The following CADPS2 variants were observed in gnomAD, a reference collection of about 807,000 sequenced individuals.
CADPS2 encodes the protein calcium-dependent secretion activator 2.
In CADPS2, 93 loss-of-function variants were observed where a neutral mutation model predicts 172.5. The observed-to-expected ratio is 0.54, with a 90% CI of 0.46 to 0.64. The LOEUF is 0.64. Among genes scored for constraint, CADPS2 ranks in the 30% least tolerant of loss-of-function variants. CADPS2 has a pLI of 0.00. For missense variants in CADPS2, 1,420 were observed against 1,565.9 expected (o/e 0.91, Z 1.57); for synonymous variants, 546 against 555.2 (o/e 0.98, Z 0.23).
chr7:122,685,770 G>C (rs2083543065), intron 2 of CADPS2, among the ~76,000 whole-genome samples: 1 of 152,126 alleles, frequency 6.6e-6, no homozygotes, highest in Non-Finnish European at 1.5e-5. Flanking sequence ...GTATCTCCAG[G>C]GCAATCAATA....
intron 4 of CADPS2, 60 bp downstream of exon 4, chr7:122,629,188 C>A: frequency 7.4e-7 from 1 of 1,346,908 alleles, no homozygotes; most frequent in Non-Finnish European, 1.0e-6. Flanking sequence ...ACTTTTTCAG[C>A]TCACAGAAAT....
chr7:122,613,223 A>G (rs2074495788), intron 6 of CADPS2, among the ~76,000 whole-genome samples: 1 of 152,176 alleles, frequency 6.6e-6, no homozygotes, highest in Non-Finnish European at 1.5e-5. Context: ...ATACAAATCA[A>G]GAAAGTGAAA....
At chr7:122,464,967 C>T (rs543799714) in intron 14 of CADPS2, among the ~76,000 whole-genome samples, 6 of 152,156 alleles carry the variant, frequency 3.9e-5, no homozygotes, top group Admixed American at 1.3e-4. Context: ...AACGGAAATA[C>T]GAAAACTCTA....
intron 24 of CADPS2, among the ~76,000 whole-genome samples, chr7:122,383,177 T>C (rs2043220989): frequency 6.6e-6 from 1 of 152,088 alleles, no homozygotes; most frequent in Non-Finnish European, 1.5e-5. Context: ...TCATATCCTT[T>C]GCAGCCACAT....
rs959570607 is a variant in CADPS2, at chr7:122,319,313, G to T, written c.*852C>A. On this transcript the variant is annotated 3_prime_UTR_variant, in exon 30 of 30. Coordinates refer to ENST00000449022, the MANE Select transcript of CADPS2 (RefSeq NM_017954.11). ...AAAAAACTCAAGAAACAAAAACACAGAGTCAGATAGTTGGGATGTTTGAAA... is the reference window on the plus strand; with the variant it reads ...AAAAAACTCAAGAAACAAAAACACATAGTCAGATAGTTGGGATGTTTGAAA... 2 of 152,088 alleles carry T rather than the reference G, an allele frequency of 1.3e-5. No individual in the cohort carries two copies. The highest frequency in any genetic ancestry group is 6.6e-5 in the Admixed American group (1 of 15,266). 9.4% of individuals were successfully genotyped at this position (152,088 alleles called of 1,614,324 possible).
chr7:122,873,572 G>GATGGGC (rs1474904558), intron 1 of CADPS2, among the ~76,000 whole-genome samples: 3 of 152,164 alleles, frequency 2.0e-5, no homozygotes, highest in African/African-American at 7.2e-5. Flanking sequence ...GTCTATGATT[G>GATGGGC]ATGGGCATTT....
intron 1 of CADPS2, among the ~76,000 whole-genome samples, chr7:122,771,528 A>G (rs376102679): frequency 3.9e-5 from 6 of 152,316 alleles, no homozygotes; most frequent in African/African-American, 1.4e-4. Context: ...TCCTCTCAAG[A>G]AATTTCCAGT....
intron 17 of CADPS2, among the ~76,000 whole-genome samples, chr7:122,419,712 T>C (rs2048330157): frequency 6.6e-6 from 1 of 152,054 alleles, no homozygotes; most frequent in South Asian, 2.1e-4. Context: ...ATTGCACTTA[T>C]ATATTGCATT....
At chr7:122,693,566 C>T (rs546848589) in intron 2 of CADPS2, among the ~76,000 whole-genome samples, 113 of 152,156 alleles carry the variant, frequency 7.4e-4, no homozygotes, top group Admixed American at 1.8e-3. Context: ...GCCCAGATGT[C>T]ATGAATGCAT....
intron 3 of CADPS2, among the ~76,000 whole-genome samples, chr7:122,655,819 G>A (rs1347220943): frequency 6.6e-6 from 1 of 151,808 alleles, no homozygotes. Context: ...ATTTCTTTTT[G>A]TTTTAAAATC....
At chr7:122,663,205 C>T in intron 3 of CADPS2, 32 bp downstream of exon 3, 1 of 1,457,432 alleles carries the variant, frequency 6.9e-7, no homozygotes, top group Middle Eastern at 1.8e-4. Context: ...ACGAGTCAGA[C>T]AGGGGAAGGG....
intron 6 of CADPS2, among the ~76,000 whole-genome samples, chr7:122,608,355 T>C (rs759283153): frequency 6.6e-6 from 1 of 152,192 alleles, no homozygotes; most frequent in Non-Finnish European, 1.5e-5. Flanking sequence ...TGGAAACTAA[T>C]ATGCTTTTAA....
intron 7 of CADPS2, among the ~76,000 whole-genome samples, chr7:122,556,947 T>A (rs561272369): frequency 7.1e-4 from 108 of 152,264 alleles, no homozygotes; most frequent in Non-Finnish European, 1.3e-3. Context: ...TTTCTGGGTA[T>A]ATTCACAATC....
At position 122,474,275 on chromosome 7, in the gene CADPS2, G is replaced by T. The variant is rs2056355687; in HGVS notation, c.1998+106C>A. 1.6e-5 allele frequency: 19 copies of T among 1,220,352 alleles called. No homozygotes were observed. The South Asian group carries it at 2.6e-4, about 17-fold the overall frequency. The allele number at this position is 1,220,352 out of a possible 1,614,324, so 75.6% of individuals were successfully genotyped here. A position where few individuals can be genotyped will look rare whatever the true frequency, so the allele number is the denominator to read the frequency against. ...TAAATGAGTCAGGAATAAAATGCTG[G>T]TTTATAACAAGTATTTCTCACTTTC... On this transcript the variant is annotated intron_variant, in intron 13 of 29. Transcript: ENST00000449022.
rs1373188433 is a variant in CADPS2 at position 122,387,251 on chromosome 7, C to T, written c.3165-78G>A. The stretch of plus-strand genomic sequence containing the variant: ...TGTTTTGTAAAAAGTGAAATCAACA[C>T]TACAAGATGCTAATTTAAAACATGC... On this transcript the variant is annotated intron_variant, in intron 23 of 29. Transcript: ENST00000449022. The T allele has an allele frequency of 6.6e-6, 9 of 1,362,258 alleles. No homozygotes were observed. In the East Asian group the frequency reaches 7.5e-5, roughly 11 times the overall value. The allele number at this position is 1,362,258 out of a possible 1,614,324, so 84.4% of individuals were successfully genotyped here.
chr7:122,639,592 G>A (rs936522448), intron 3 of CADPS2, among the ~76,000 whole-genome samples: 2 of 152,096 alleles, frequency 1.3e-5, no homozygotes, highest in African/African-American at 4.8e-5. Flanking sequence ...CCACCATAAA[G>A]ACACTCCATA....
intron 8 of CADPS2, among the ~76,000 whole-genome samples, chr7:122,517,438 G>A (rs10242371): frequency 0.54 from 81,657 of 151,780 alleles, 22,095 homozygotes; most frequent in African/African-American, 0.6. Context: ...TTGTAGGGTC[G>A]TATTGAAAGT....
At chr7:122,583,562 A>G (rs904995948) in intron 6 of CADPS2, among the ~76,000 whole-genome samples, 4 of 151,542 alleles carry the variant, frequency 2.6e-5, no homozygotes, top group African/African-American at 9.7e-5. Flanking sequence ...AGACACACAC[A>G]TAAATATATC....
chr7:122,596,918 TG>T lies in CADPS2; in HGVS notation c.1224-15629del, dbSNP rs1175087759. On this transcript the variant is annotated intron_variant, in intron 6 of 29. Transcript: ENST00000449022. ...GTCATGATTGAGCTGGCTGGAAGAC[TG>T]GGTGTCCAGTGAGGGCATCAGGCTG... 5.3e-5 allele frequency among the ~76,000 whole-genome samples: 8 copies of T among 152,036 alleles called. No individual in the cohort carries two copies. The East Asian group carries it at 1.5e-3, about 29-fold the overall frequency.
Sources: gnomAD v4.1 joint callset for allele counts (sites outside exome capture counted in the v4.1 genomes callset) on GRCh38, gnomAD v4.1.1 for gene constraint, MANE v1.5 for transcripts, NCBI Gene and HGNC (gene_info 2026-07-23, HGNC 2026-07-21) for gene names.